The following YJEFN3 variants were observed in gnomAD, a reference collection of about 807,000 sequenced individuals.
YJEFN3 encodes the protein YjeF N-terminal domain containing 3, also known as yjeF N-terminal domain-containing protein 3.
YJEFN3 carries 29 observed loss-of-function variants against 31.5 expected under a neutral mutation model. The ratio of observed to expected loss-of-function variants is 0.92; its 90% confidence interval spans 0.69 to 1.26. The LOEUF (loss-of-function observed/expected upper bound fraction) is 1.26. Among genes scored for constraint, YJEFN3 ranks in the 50% most tolerant of loss-of-function variants. The probability of loss-of-function intolerance (pLI) is 0.00; values close to 1 mark genes in which losing one functional copy is unlikely to be tolerated. For synonymous variants in YJEFN3, 227 were observed against 196.1 expected (o/e 1.16, Z -1.32); for missense variants, 442 against 425.4 (o/e 1.04, Z -0.34).
Position 19,528,913 on chromosome 19 carries a change from C to T in YJEFN3, c.-20C>T, listed in dbSNP as rs2061124394. The stretch of plus-strand genomic sequence containing the variant: ...CGGTGGCGGTGGCGGCAGCGCCCGG[C>T]GCCCGGGCTCACCTCGGCCATGAGC... On this transcript the variant is annotated 5_prime_UTR_variant, in exon 1 of 7. Transcript: ENST00000514277. The T allele has an allele frequency of 3.2e-6, 5 of 1,546,792 alleles. No individual in the cohort carries two copies. The highest frequency in any genetic ancestry group is 4.9e-5 in the East Asian group (2 of 40,856).
At chr19:19,533,125 G>T in intron 3 of YJEFN3, 1 of 1,019,762 alleles carries the variant, frequency 9.8e-7, no homozygotes, top group Non-Finnish European at 1.2e-6. Flanking sequence ...GAAGCTCAGA[G>T]GTGGCGAGGG....
chr19:19,533,622 C>T (rs2061179856), intron 3 of YJEFN3: 2 of 972,688 alleles, frequency 2.1e-6, no homozygotes, highest in East Asian at 1.1e-4. Flanking sequence ...TCCTCCTCCC[C>T]ATTCTCTCCC....
intron 2 of YJEFN3, among the ~76,000 whole-genome samples, chr19:19,530,713 G>C (rs920184537): frequency 3.9e-5 from 6 of 152,138 alleles, no homozygotes; most frequent in Non-Finnish European, 8.8e-5. Flanking sequence ...GGCCTGCCCC[G>C]GGGGGACTCT....
rs762365257 is a variant in YJEFN3, at chr19:19,535,571, G to T, written c.586G>T (p.Val196Leu). 6.3e-7 allele frequency: 1 copy of T among 1,585,128 alleles called. No homozygotes were observed. Residue 196 changes from valine (V) to leucine (L), a missense_variant, in exon 6 of 7, where the codon GTA (valine) becomes TTA (leucine). By Grantham distance (32) the Val-to-Leu change is conservative (BLOSUM62 1). Transcript: ENST00000514277. Reference sequence around the variant, plus strand: ...AGCCTATGGGCTGGTGGTGGATGCCGTACTGGGCCCCGGCGTGGAGCCGGG... The same window carrying T: ...AGCCTATGGGCTGGTGGTGGATGCCTTACTGGGCCCCGGCGTGGAGCCGGG... ...NEAYGLVVDA[V>L]LGPGVEPGEV...
intron 1 of YJEFN3, 186 bp from the exon 2 acceptor site, chr19:19,529,178 C>A: frequency 6.9e-7 from 1 of 1,451,634 alleles, no homozygotes; most frequent in Non-Finnish European, 9.1e-7. Context: ...AGGGATATGG[C>A]CAAGACGGGC....
chr19:19,532,686 G>T lies in YJEFN3; in HGVS notation c.264G>T (p.Gly88=), dbSNP rs1490041994. 5 of 1,577,062 alleles carry T rather than the reference G, an allele frequency of 3.2e-6. No homozygotes were observed. Among genetic ancestry groups the T allele is most frequent in the Admixed American group, 3.6e-5 (2 of 56,312 alleles). Residue 88 remains glycine, a synonymous_variant, in exon 3 of 7, where the codon GGG becomes GGT. Transcript: ENST00000514277. ...AGCTGCTGGAGGATTATCGCTTTGGGCGGCAGCAGCTCGTGGAGCTGTGCG... is the reference window on the plus strand; with the variant it reads ...AGCTGCTGGAGGATTATCGCTTTGGTCGGCAGCAGCTCGTGGAGCTGTGCG... ...ERELLEDYRF[G]RQQLVELCGH... is the part of the protein sequence containing the mutation.
chr19:19,528,928 C>G lies in YJEFN3; in HGVS notation c.-5C>G. 1 of 1,548,100 alleles carries G rather than the reference C, an allele frequency of 6.5e-7. No individual in the cohort carries two copies. Among genetic ancestry groups the G allele is most frequent in the Non-Finnish European group, 8.7e-7 (1 of 1,146,030 alleles). ...CAGCGCCCGGCGCCCGGGCTCACCTCGGCCATGAGCAGCGCAGCCGGCCCA... is the reference window on the plus strand; with the variant it reads ...CAGCGCCCGGCGCCCGGGCTCACCTGGGCCATGAGCAGCGCAGCCGGCCCA... On this transcript the variant is annotated 5_prime_UTR_variant, in exon 1 of 7. Coordinates refer to ENST00000514277, the MANE Select transcript of YJEFN3 (RefSeq NM_198537.4).
At position 19,535,048 on chromosome 19, in the gene YJEFN3, C is replaced by A; in HGVS notation, c.333C>A (p.Pro111=). 6.2e-7 allele frequency: 1 copy of A among 1,602,058 alleles called. No homozygotes were observed. The highest frequency in any genetic ancestry group is 8.5e-7 in the Non-Finnish European group (1 of 1,174,034). ...CCTACCACCAGGCGTTCCCGTTGCC[C>A]GCTCTCTCCCGGAAGCAGAGGACGG... is the stretch of plus-strand genomic sequence containing the variant. ...AVAVTKAFPL[P]ALSRKQRTVL... is the part of the protein sequence containing the mutation. The change falls in exon 4 of 7, where the codon CCC becomes CCA. Residue 111 remains proline, a synonymous_variant. Transcript: ENST00000514277.
Position 19,532,740 on chromosome 19 carries a change from G to T in YJEFN3, c.318G>T (p.Lys106Asn), listed in dbSNP as rs755392022. 1 of 1,561,900 alleles carries T rather than the reference G, an allele frequency of 6.4e-7. No homozygotes were observed. Among genetic ancestry groups the T allele is most frequent in the Non-Finnish European group, 8.6e-7 (1 of 1,158,878 alleles). ...ATGCTAGTGCCGTGGCTGTGACCAA[G>T]GTACCTGACCCCTGACCCCCAACCC... is the stretch of plus-strand genomic sequence containing the variant. The part of the protein sequence containing the change: ...CGHASAVAVT[K>N]AFPLPALSRK... Residue 106 changes from lysine to asparagine, a missense_variant and splice_region_variant, in exon 3 of 7, where the codon AAG (lysine) becomes AAT (asparagine). By Grantham distance (94) the Lys-to-Asn change is moderately conservative (BLOSUM62 0). Transcript: ENST00000514277.
chr19:19,535,021 C>T lies in YJEFN3; in HGVS notation c.319-13C>T. 1 of 1,579,762 alleles carries T rather than the reference C, an allele frequency of 6.3e-7. No homozygotes were observed. Among genetic ancestry groups the T allele is most frequent in the Non-Finnish European group, 8.6e-7 (1 of 1,163,816 alleles). ...GACTGTGCCTGTGCCTTTGCTGTGT[C>T]CCCTACCACCAGGCGTTCCCGTTGC... is the stretch of plus-strand genomic sequence containing the variant. On this transcript the variant is annotated splice_polypyrimidine_tract_variant and intron_variant, in intron 3 of 6. Transcript: ENST00000514277.
intron 2 of YJEFN3, among the ~76,000 whole-genome samples, 167 bp from the exon 3 acceptor site, chr19:19,532,465 G>T (rs1369905553): frequency 3.3e-5 from 5 of 152,244 alleles, no homozygotes; most frequent in Admixed American, 2.0e-4. Context: ...CGCGTCGCAC[G>T]GTGAAACTGA....
chr19:19,536,099 TCGGGATCCCAGGGACATCC>T (rs1481079458), intron 6 of YJEFN3: 1 of 447,882 alleles, frequency 2.2e-6, no homozygotes. Flanking sequence ...CCCCTGGCTC[TCGGGATCCCAGGGACATCC>T]CAGCAGGTGC....
chr19:19,537,261 T>C (rs1256823598), intron 6 of YJEFN3, 58 bp from the exon 7 acceptor site: 2 of 1,467,480 alleles, frequency 1.4e-6, no homozygotes, highest in East Asian at 4.9e-5. Flanking sequence ...GGATGGACTC[T>C]AGGCTGAGGG....
At chr19:19,533,325 T>G (rs2061176338) in intron 3 of YJEFN3, 1 of 985,524 alleles carries the variant, frequency 1.0e-6, no homozygotes, top group African/African-American at 1.7e-5. Flanking sequence ...GCATAATAAA[T>G]GGTACTGACG....
At position 19,529,539 on chromosome 19, in the gene YJEFN3, G is replaced by C. The variant is rs779978675; in HGVS notation, c.209+26G>C. On this transcript the variant is annotated intron_variant, in intron 2 of 6. Transcript: ENST00000514277. ...GTTGGTGAGTTTGGGATCTAGAACT[G>C]GCGCCGTGGCTGTGACTCTCACCTC... 3 of 1,606,594 alleles carry C rather than the reference G, an allele frequency of 1.9e-6. No homozygotes were observed. In the South Asian group the frequency reaches 3.3e-5, roughly 18 times the overall value.
intron 3 of YJEFN3, chr19:19,533,945 C>T: frequency 4.1e-6 from 4 of 985,556 alleles, no homozygotes; most frequent in Non-Finnish European, 4.8e-6. Context: ...CATGGCAGGT[C>T]AGGACTGCGC....
Position 19,534,809 on chromosome 19 carries a change from C to T in YJEFN3, c.319-225C>T, listed in dbSNP as rs1445541237. ...GGCAGTGGCTGGATGCACGTTTTTC[C>T]TGCACCGACCTGGCAGAGCCTGAGA... On this transcript the variant is annotated intron_variant, in intron 3 of 6. Transcript: ENST00000514277. This position sits in a 1 kb window ranked among gnomAD's most constrained non-coding sequence, Gnocchi z 4.6. 2.2e-5 allele frequency: 9 copies of T among 402,830 alleles called. No individual in the cohort carries two copies. The East Asian group carries it at 3.2e-4, about 14-fold the overall frequency. The allele number at this position is 402,830 out of a possible 1,614,324, so 25.0% of individuals were successfully genotyped here.
rs900962897 is a variant in YJEFN3, at chr19:19,533,981, A to G, written c.319-1053A>G. On this transcript the variant is annotated intron_variant, in intron 3 of 6. Transcript: ENST00000514277. Reference sequence around the variant, plus strand: ...TAAGCCTTTGGGGAGGATACTTGAAAGGGGAGTAATCTGCTGTCTGTGTGG... The same window carrying G: ...TAAGCCTTTGGGGAGGATACTTGAAGGGGGAGTAATCTGCTGTCTGTGTGG... 10 of 985,602 alleles carry G rather than the reference A, an allele frequency of 1.0e-5. No individual in the cohort carries two copies. The African/African-American group carries it at 1.4e-4, about 14-fold the overall frequency. 61.1% of individuals were successfully genotyped at this position (985,602 alleles called of 1,614,324 possible). A position where few individuals can be genotyped will look rare whatever the true frequency, so the allele number is the denominator to read the frequency against.
intron 6 of YJEFN3, chr19:19,536,206 G>C (rs1054659810): frequency 5.0e-6 from 1 of 200,036 alleles, no homozygotes. Context: ...CTAGGACAGA[G>C]AGGGTGGCTC....
Sources: gnomAD v4.1 joint callset for allele counts (sites outside exome capture counted in the v4.1 genomes callset) on GRCh38, gnomAD v4.1.1 for gene constraint, Gnocchi (gnomAD v3.1) non-coding constraint, MANE v1.5 for transcripts, NCBI Gene and HGNC (gene_info 2026-07-23, HGNC 2026-07-21) for gene names.